ZNF236: variants seen among roughly 807,000 people sequenced by gnomAD.
The protein encoded by ZNF236 is zinc finger protein 236.
ZNF236 carries 50 observed loss-of-function variants against 191.2 expected under a neutral mutation model. That is an observed-to-expected ratio of 0.26 (90% CI 0.21 to 0.33). ZNF236 has a LOEUF of 0.33. Among genes scored for constraint, ZNF236 ranks in the 10% least tolerant of loss-of-function variants. The pLI, the probability that ZNF236 is intolerant of heterozygous loss-of-function variation, is 1.00. For missense variants in ZNF236, 1,754 were observed against 2,374.5 expected, an observed-to-expected ratio of 0.74 and a Z score of 5.43; for synonymous variants, 907 against 928.8, an observed-to-expected ratio of 0.98 and a Z score of 0.43.
intron 30 of ZNF236, among the ~76,000 whole-genome samples, chr18:76,966,967 T>G (rs1400924349): frequency 6.6e-6 from 1 of 152,210 alleles, no homozygotes. Context: ...TTGTTCGAGG[T>G]GGTATGCTCT....
Position 76,956,019 on chromosome 18 carries a change from A to G in ZNF236, c.4949A>G (p.Asn1650Ser), listed in dbSNP as rs1443625238. ...GTCTCTGGGAACCTGGCCCCGGGCA[A>G]CCAGCCAGAGAAGGAGGGCCGGGCG... ...AGVSGNLAPGNQPEKEGRAHQ... is the reference protein window; with the variant it reads ...AGVSGNLAPGSQPEKEGRAHQ... The change falls in exon 28 of 31, where the codon AAC becomes AGC. Residue 1650 changes from asparagine (N) to serine (S), a missense_variant. By Grantham distance (46) the Asn-to-Ser change is conservative (BLOSUM62 1). Around this residue, in one of 5 missense-constraint regions of ZNF236, gnomAD observed 606 missense variants for 761.5 expected, o/e 0.80. Coordinates refer to ENST00000320610, the MANE Select transcript of ZNF236 (RefSeq NM_001306089.2). The G allele has an allele frequency of 6.2e-7, 1 of 1,610,566 alleles. No homozygotes were observed. The highest frequency in any genetic ancestry group is 2.2e-5 in the East Asian group (1 of 44,844).
chr18:76,831,073 A>C (rs1261530932), intron 1 of ZNF236, among the ~76,000 whole-genome samples: 1 of 152,142 alleles, frequency 6.6e-6, no homozygotes, highest in Admixed American at 6.5e-5. Context: ...GCCAATGTTG[A>C]TACATTGTTA....
At chr18:76,948,241 T>G (rs1018679173) in intron 27 of ZNF236, among the ~76,000 whole-genome samples, 1 of 152,212 alleles carries the variant, frequency 6.6e-6, no homozygotes, top group East Asian at 1.9e-4. Flanking sequence ...AGATGATGAA[T>G]AATCTCTGAA....
At chr18:76,851,262 CCTT>C (rs201662099) in intron 2 of ZNF236, among the ~76,000 whole-genome samples, 1,601 of 145,452 alleles carry the variant, frequency 0.011, 19 homozygotes, top group African/African-American at 0.036. Flanking sequence ...GAGAAAGAAA[CCTT>C]TTTTTTTTTT....
intron 26 of ZNF236, among the ~76,000 whole-genome samples, chr18:76,945,482 G>A (rs1230175428): frequency 6.6e-6 from 1 of 152,220 alleles, no homozygotes; most frequent in East Asian, 1.9e-4. Context: ...GGAACATGAA[G>A]CTTTGTTAGT....
At chr18:76,854,209 T>TA (rs557168883) in intron 3 of ZNF236, among the ~76,000 whole-genome samples, 51 of 152,028 alleles carry the variant, frequency 3.4e-4, no homozygotes, top group Non-Finnish European at 6.8e-4. Flanking sequence ...ATCAATTAGT[T>TA]AAAAAAATTA....
intron 25 of ZNF236, 40 bp from the exon 26 acceptor site, chr18:76,937,116 T>A (rs779639278): frequency 3.8e-6 from 6 of 1,593,228 alleles, no homozygotes; most frequent in Non-Finnish European, 5.1e-6. Flanking sequence ...TGGACTTGTC[T>A]GGCCTTCCCA....
At chr18:76,946,731 A>G (rs751480974) in intron 26 of ZNF236, among the ~76,000 whole-genome samples, 1 of 152,190 alleles carries the variant, frequency 6.6e-6, no homozygotes, top group Non-Finnish European at 1.5e-5. Context: ...ATTCTCTCGT[A>G]TTCTCTCAGA....
intron 30 of ZNF236, among the ~76,000 whole-genome samples, chr18:76,961,436 T>A (rs892344121): frequency 5.9e-5 from 9 of 151,902 alleles, no homozygotes; most frequent in Non-Finnish European, 1.5e-5. Context: ...ACAGTTTCTT[T>A]ATCCACTCGT....
At chr18:76,963,486 G>C (rs1016195206) in intron 30 of ZNF236, among the ~76,000 whole-genome samples, 6 of 152,128 alleles carry the variant, frequency 3.9e-5, no homozygotes, top group African/African-American at 1.4e-4. Flanking sequence ...CTAGTATTTT[G>C]TTAAGGATTT....
In ZNF236 at chr18:76,906,196, G is replaced by A. The variant is rs191430477; in HGVS notation, c.2297+781G>A. Among the ~76,000 whole-genome samples, 5 of 152,318 alleles carry A rather than the reference G, an allele frequency of 3.3e-5. No individual in the cohort carries two copies. The East Asian group carries it at 9.6e-4, about 29-fold the overall frequency. On this transcript the variant is annotated intron_variant, in intron 13 of 30. Coordinates refer to ENST00000320610, the MANE Select transcript of ZNF236 (RefSeq NM_001306089.2). ...AAGTTACCTGTGATAGTGTTGTTTTGATATTATTGATCTGACTGCCTAAGC... is the reference window on the plus strand; with the variant it reads ...AAGTTACCTGTGATAGTGTTGTTTTAATATTATTGATCTGACTGCCTAAGC...
Position 76,956,161 on chromosome 18 carries a change from C to T in ZNF236, c.5091C>T (p.Phe1697=). The T allele has an allele frequency of 6.4e-7, 1 of 1,554,228 alleles. No homozygotes were observed. The highest frequency in any genetic ancestry group is 8.7e-7 in the Non-Finnish European group (1 of 1,151,012). ...IHGCPVCRKA[F]KRATHLKEHM... ...GCTGCCCCGTGTGCAGGAAGGCCTT[C>T]AAGCGCGCCACGCACCTCAAGGTAG... The change falls in exon 28 of 31, where the codon TTC becomes TTT. Residue 1697 remains phenylalanine, a synonymous_variant. Transcript: ENST00000320610.
At chr18:76,823,986 T>TG (rs1236360457) in intron 1 of ZNF236, among the ~76,000 whole-genome samples, 6 of 151,666 alleles carry the variant, frequency 4.0e-5, no homozygotes, top group African/African-American at 1.5e-4. Flanking sequence ...TAAGGGGGAG[T>TG]GGGCGCCTAG....
chr18:76,934,706 G>A (rs1180181058), intron 25 of ZNF236, among the ~76,000 whole-genome samples: 1 of 152,184 alleles, frequency 6.6e-6, no homozygotes, highest in Non-Finnish European at 1.5e-5. Context: ...TCATCCTCAC[G>A]AGTTGTCCCT....
At chr18:76,891,051 T>C (rs1235861957) in intron 9 of ZNF236, among the ~76,000 whole-genome samples, 1 of 152,210 alleles carries the variant, frequency 6.6e-6, no homozygotes, top group East Asian at 1.9e-4. Context: ...GTACAAAATA[T>C]GTGTTACCTG....
intron 1 of ZNF236, chr18:76,824,499 C>T: frequency 1.3e-6 from 1 of 778,560 alleles, no homozygotes; most frequent in South Asian, 1.3e-5. Context: ...TGTTGCCTCT[C>T]CCGCTTTTGA....
chr18:76,915,965 G>C, intron 19 of ZNF236, 106 bp downstream of exon 19: 1 of 962,048 alleles, frequency 1.0e-6, no homozygotes, highest in Non-Finnish European at 1.5e-6. Flanking sequence ...ATATAGATTA[G>C]TTCAGTAGCA....
At chr18:76,935,276 TG>T (rs1967961932) in intron 25 of ZNF236, among the ~76,000 whole-genome samples, 1 of 152,256 alleles carries the variant, frequency 6.6e-6, no homozygotes, top group Non-Finnish European at 1.5e-5. Flanking sequence ...ATCCTCTTTG[TG>T]GAAAATCCAT....
chr18:76,904,208 A>G (rs891678609), intron 11 of ZNF236, among the ~76,000 whole-genome samples, 172 bp from the exon 12 acceptor site: 33 of 152,068 alleles, frequency 2.2e-4, no homozygotes, highest in African/African-American at 7.5e-4. Context: ...ATGTTTCCCC[A>G]TAGGTATTCT....
Sources: gnomAD v4.1 joint callset for allele counts (sites outside exome capture counted in the v4.1 genomes callset) on GRCh38, gnomAD v4.1.1 for gene constraint, gnomAD v4.1.1 regional missense constraint, MANE v1.5 for transcripts, NCBI Gene and HGNC (gene_info 2026-07-23, HGNC 2026-07-21) for gene names.